The following CYLD variants were observed in gnomAD, a reference collection of about 807,000 sequenced individuals.
The protein encoded by CYLD is ubiquitin carboxyl-terminal hydrolase CYLD.
CYLD carries 26 observed loss-of-function variants against 104.5 expected under a neutral mutation model. The observed-to-expected ratio is 0.25, with a 90% CI of 0.18 to 0.35. The LOEUF is 0.35. CYLD is among the 10% of genes least tolerant of loss of function. The pLI, the probability that CYLD is intolerant of heterozygous loss-of-function variation, is 1.00. For synonymous variants in CYLD, 385 were observed against 399.9 expected (o/e 0.96, Z 0.45); for missense variants, 703 against 1,136.1 (o/e 0.62, Z 5.48).
chr16:50,775,040 A>G lies in CYLD; in HGVS notation c.914-126A>G. On this transcript the variant is annotated intron_variant, in intron 5 of 18. Coordinates refer to ENST00000427738, the MANE Select transcript of CYLD (RefSeq NM_001378743.1). The stretch of plus-strand genomic sequence containing the variant: ...GTTACCAAGTATTTACATATAATTC[A>G]TTTAGTAAATTTCCTCTTTTTTTAA... The G allele has an allele frequency of 9.4e-6, 7 of 745,572 alleles. No individual in the cohort carries two copies. In the South Asian group the frequency reaches 1.2e-4, roughly 13 times the overall value. The allele number at this position is 745,572 out of a possible 1,614,324, so 46.2% of individuals were successfully genotyped here. A position where few individuals can be genotyped will look rare whatever the true frequency, so the allele number is the denominator to read the frequency against.
intron 5 of CYLD, among the ~76,000 whole-genome samples, chr16:50,755,110 CAT>C (rs1477859839): frequency 2.1e-4 from 7 of 33,084 alleles, no homozygotes; most frequent in South Asian, 1.4e-3. Flanking sequence ...TATATACACA[CAT>C]ATACACATGT....
At chr16:50,778,003 TG>T (rs1969857652) in intron 8 of CYLD, 62 bp downstream of exon 8, 5 of 962,278 alleles carry the variant, frequency 5.2e-6, no homozygotes, top group South Asian at 4.0e-5. Flanking sequence ...CAGAGAAAAA[TG>T]GTTTTTTATA....
intron 5 of CYLD, among the ~76,000 whole-genome samples, chr16:50,764,832 C>A (rs1418634941): frequency 1.3e-5 from 2 of 152,120 alleles, no homozygotes; most frequent in Non-Finnish European, 2.9e-5. Flanking sequence ...GTGCACAGGG[C>A]AGCCCTACAC....
intron 10 of CYLD, among the ~76,000 whole-genome samples, chr16:50,781,656 C>T (rs1970225953): frequency 1.3e-5 from 2 of 151,916 alleles, no homozygotes; most frequent in Non-Finnish European, 1.5e-5. Context: ...TTGTTTTTCT[C>T]TTCCTGTTGA....
At position 50,779,670 on chromosome 16, in the gene CYLD, G is replaced by C; in HGVS notation, c.1144G>C (p.Glu382Gln). The change falls in exon 9 of 19, where the codon GAA (glutamate) becomes CAA (glutamine). Residue 382 changes from glutamate to glutamine, a missense_variant. Around this residue, in one of 5 missense-constraint regions of CYLD, gnomAD observed 183 missense variants for 212.1 expected, o/e 0.86. Transcript: ENST00000427738. ...AATTAGGAATAATTTTTTAGTTGCA[G>C]AAGACCCTGCAAAATCTCTTACAGA... ...KNTWYIDEVA[E>Q]DPAKSLTEIS... 6.2e-7 allele frequency: 1 copy of C among 1,613,626 alleles called. No homozygotes were observed. The highest frequency in any genetic ancestry group is 8.5e-7 in the Non-Finnish European group (1 of 1,179,848).
At chr16:50,786,393 A>G (rs927540615) in intron 12 of CYLD, 1 of 161,030 alleles carries the variant, frequency 6.2e-6, no homozygotes, top group Non-Finnish European at 1.4e-5. Flanking sequence ...GCAAACTTCA[A>G]GAAGAAGCTT....
intron 5 of CYLD, among the ~76,000 whole-genome samples, chr16:50,756,102 A>G (rs1422601365): frequency 6.6e-6 from 1 of 152,188 alleles, no homozygotes; most frequent in African/African-American, 2.4e-5. Flanking sequence ...CTTTTATATT[A>G]TGGAATTGTT....
intron 11 of CYLD, among the ~76,000 whole-genome samples, chr16:50,783,208 C>T (rs1292433950): frequency 1.3e-5 from 2 of 152,028 alleles, no homozygotes; most frequent in Admixed American, 6.6e-5. Context: ...CTTGGGATTA[C>T]GGGCATGAGC....
intron 1 of CYLD, chr16:50,742,346 G>C (rs1438785295): frequency 6.6e-6 from 1 of 152,122 alleles, no homozygotes; most frequent in Non-Finnish European, 1.5e-5. Context: ...TTAGTTGCCC[G>C]GGCCCGAGCC....
At chr16:50,759,863 G>A (rs187892982) in intron 5 of CYLD, among the ~76,000 whole-genome samples, 7 of 152,246 alleles carry the variant, frequency 4.6e-5, no homozygotes, top group Admixed American at 4.6e-4. Flanking sequence ...TACAACATTT[G>A]TGTCTTCTAT....
chr16:50,794,244 A>G lies in CYLD; in HGVS notation c.2502A>G (p.Lys834=). ...VHLHPKRLNH[K]YNPVSLPKDL... ...TTCATCCGAAGAGGCTGAATCATAAATATAACCCAGTGTCACTTCCCAAAG... is the reference window on the plus strand; with the variant it reads ...TTCATCCGAAGAGGCTGAATCATAAGTATAACCCAGTGTCACTTCCCAAAG... Residue 834 remains lysine (K), a synonymous_variant, in exon 18 of 19, where the codon AAA becomes AAG. Transcript: ENST00000427738. The surrounding 1 kb of genome is among the most constrained non-coding windows in gnomAD (Gnocchi z 4.1). 6.2e-7 allele frequency: 1 copy of G among 1,614,178 alleles called. No homozygotes were observed. The highest frequency in any genetic ancestry group is 1.1e-5 in the South Asian group (1 of 91,080).
rs1972314942 is a variant in CYLD at position 50,799,571 on chromosome 16, GC to G, written c.*3064del. 4.3e-6 allele frequency: 1 copy of G among 233,492 alleles called. No homozygotes were observed. The highest frequency in any genetic ancestry group is 1.8e-4 in the South Asian group (1 of 5,532). 14.5% of individuals were successfully genotyped at this position (233,492 alleles called of 1,614,324 possible). On this transcript the variant is annotated 3_prime_UTR_variant, in exon 19 of 19. Coordinates refer to ENST00000427738, the MANE Select transcript of CYLD (RefSeq NM_001378743.1). ...TTTTAAAAATTTCTGTTTGCCAAAT[GC>G]TGTAGATAAATGGCCAGATTCTTCC... is the stretch of plus-strand genomic sequence containing the variant.
intron 10 of CYLD, 111 bp downstream of exon 10, chr16:50,781,522 G>A (rs1159211871): frequency 1.7e-5 from 22 of 1,304,958 alleles, no homozygotes; most frequent in Non-Finnish European, 2.1e-5. Flanking sequence ...TCTTGCCAAC[G>A]CTCATTAAGC....
At chr16:50,766,552 C>T (rs571031163) in intron 5 of CYLD, among the ~76,000 whole-genome samples, 13 of 152,212 alleles carry the variant, frequency 8.5e-5, no homozygotes, top group Admixed American at 2.0e-4. Flanking sequence ...GTAAGGCTGC[C>T]ATAGATCAGG....
At chr16:50,760,546 GTAGA>G (rs1392884384) in intron 5 of CYLD, among the ~76,000 whole-genome samples, 3 of 152,012 alleles carry the variant, frequency 2.0e-5, no homozygotes, top group Non-Finnish European at 4.4e-5. Context: ...AAGAAGTGTA[GTAGA>G]TACACTATTC....
At chr16:50,780,975 C>T (rs1017379253) in intron 9 of CYLD, among the ~76,000 whole-genome samples, 22 of 152,038 alleles carry the variant, frequency 1.4e-4, no homozygotes, top group African/African-American at 5.3e-4. Context: ...TGCGGGAAAG[C>T]CCGTTTAACC....
At chr16:50,779,615 C>T (rs756696691) in intron 8 of CYLD, 50 bp from the exon 9 acceptor site, 4 of 1,586,014 alleles carry the variant, frequency 2.5e-6, no homozygotes, top group Middle Eastern at 1.7e-4. Context: ...AAATGTAAGA[C>T]AGAGTCAATA....
At chr16:50,780,067 T>C in intron 9 of CYLD, 23 bp downstream of exon 9, 2 of 1,613,126 alleles carry the variant, frequency 1.2e-6, no homozygotes, top group Non-Finnish European at 1.7e-6. Context: ...GACCCAAAAA[T>C]TTCAATTTTT....
intron 13 of CYLD, 134 bp downstream of exon 13, chr16:50,787,080 G>T (rs539440857): frequency 9.7e-6 from 7 of 719,620 alleles, no homozygotes; most frequent in East Asian, 5.3e-5. Flanking sequence ...TGTGATATAT[G>T]GTTAGCTCCT....
Sources: gnomAD v4.1 joint callset for allele counts (sites outside exome capture counted in the v4.1 genomes callset) on GRCh38, gnomAD v4.1.1 for gene constraint, gnomAD v4.1.1 regional missense constraint, Gnocchi (gnomAD v3.1) non-coding constraint, MANE v1.5 for transcripts, NCBI Gene and HGNC (gene_info 2026-07-23, HGNC 2026-07-21) for gene names.